NOTCH1: variants seen among roughly 807,000 people sequenced by gnomAD.
The protein encoded by NOTCH1 is notch receptor 1, also known as neurogenic locus notch homolog protein 1.
NOTCH1 carries 37 observed loss-of-function variants against 254.8 expected under a neutral mutation model. That is an observed-to-expected ratio of 0.15 (90% CI 0.11 to 0.19). The LOEUF (loss-of-function observed/expected upper bound fraction) is 0.19. Among genes scored for constraint, NOTCH1 ranks in the 10% least tolerant of loss-of-function variants. NOTCH1 has a pLI of 1.00. For synonymous variants in NOTCH1, 1,731 were observed against 1,618.1 expected (o/e 1.07, Z -1.68); for missense variants, 2,972 against 3,708.6 (o/e 0.80, Z 5.16).
rs561956110 is a variant in NOTCH1, at chr9:136,531,151, A to C, written c.141-7172T>G. ...ATCCCGAGACATCTGTCCGGCACAC[A>C]CCAGCCCAGCAGTGAAGAAACTGAG... is the stretch of plus-strand genomic sequence containing the variant. On this transcript the variant is annotated intron_variant, in intron 2 of 33. Transcript: ENST00000651671. Among the ~76,000 whole-genome samples the C allele has an allele frequency of 1.2e-4, 19 of 152,140 alleles. No individual in the cohort carries two copies. In the South Asian group the frequency reaches 3.9e-3, roughly 32 times the overall value.
intron 31 of NOTCH1, 133 bp downstream of exon 31, chr9:136,500,419 T>G: frequency 9.0e-7 from 1 of 1,107,246 alleles, no homozygotes; most frequent in African/African-American, 1.5e-5. Context: ...AGGTCCCAGG[T>G]GGAGGCACCA....
At chr9:136,521,000 G>A (rs908119814) in intron 4 of NOTCH1, among the ~76,000 whole-genome samples, 10 of 152,152 alleles carry the variant, frequency 6.6e-5, no homozygotes, top group African/African-American at 1.7e-4. Context: ...CAGGCTGTGC[G>A]ACCCCAAATC....
intron 30 of NOTCH1, among the ~76,000 whole-genome samples, chr9:136,501,389 G>A (rs1053655918): frequency 3.3e-5 from 5 of 151,024 alleles, no homozygotes; most frequent in African/African-American, 1.2e-4. Context: ...AGCCGAGATC[G>A]TGCCACTGCA....
Position 136,508,389 on chromosome 9 carries a change from G to C in NOTCH1, c.3172-4C>G, listed in dbSNP as rs751720939. 1.2e-6 allele frequency: 2 copies of C among 1,613,156 alleles called. No homozygotes were observed. The highest frequency in any genetic ancestry group is 1.3e-5 in the African/African-American group (1 of 75,042). ...AGTCACACCAGTGCACAAGGTTCTG[G>C]GGACAGATTGGGGTCAGCTGGGTGC... On this transcript the variant is annotated splice_polypyrimidine_tract_variant and splice_region_variant and intron_variant, in intron 19 of 33. Coordinates refer to ENST00000651671, the MANE Select transcript of NOTCH1 (RefSeq NM_017617.5).
In NOTCH1 at chr9:136,504,660, G is replaced by A. The variant is rs752508890; in HGVS notation, c.5018+13C>T. The A allele has an allele frequency of 4.9e-5, 74 of 1,497,318 alleles. 1 individual carries two copies. In the Middle Eastern group the frequency reaches 1.4e-3, roughly 29 times the overall value. 92.8% of individuals were successfully genotyped at this position (1,497,318 alleles called of 1,614,324 possible). ...GTTGCGGGGATTGACCGTGGGCGCC[G>A]GGTCTCACTCACCCGCGGACGTCCA... On this transcript the variant is annotated intron_variant, in intron 26 of 33. Transcript: ENST00000651671.
chr9:136,500,465 C>A lies in NOTCH1; in HGVS notation c.5934+87G>T, dbSNP rs1352743046. The A allele has an allele frequency of 1.7e-5, 26 of 1,536,834 alleles. No homozygotes were observed. In the South Asian group the frequency reaches 2.6e-4, roughly 15 times the overall value. On this transcript the variant is annotated intron_variant, in intron 31 of 33. Transcript: ENST00000651671. Reference sequence around the variant, plus strand: ...ACTCAGCTGTGCTCGGGGTCAGGCTCCCAGGGCCACGTAAGCCTGGCCACT... The same window carrying A: ...ACTCAGCTGTGCTCGGGGTCAGGCTACCAGGGCCACGTAAGCCTGGCCACT...
chr9:136,514,409 T>G, intron 13 of NOTCH1, 101 bp downstream of exon 13: 1 of 1,331,998 alleles, frequency 7.5e-7, no homozygotes, highest in Non-Finnish European at 1.0e-6. Context: ...CCGAGGCCCG[T>G]TTCTGGCCCA....
At chr9:136,515,865 C>T (rs1843259626) in intron 10 of NOTCH1, 116 bp downstream of exon 10, 7 of 1,147,618 alleles carry the variant, frequency 6.1e-6, no homozygotes, top group Non-Finnish European at 8.8e-6. Context: ...GAGCTGTGCT[C>T]TCGGCCTCTG....
At chr9:136,497,648 C>A in intron 33 of NOTCH1, 90 bp from the exon 34 acceptor site, 1 of 1,165,114 alleles carries the variant, frequency 8.6e-7, no homozygotes, top group South Asian at 1.5e-5. Context: ...AGCAGCAGTA[C>A]AACCTCCTCC....
chr9:136,519,922 T>C (rs116620675), intron 4 of NOTCH1, among the ~76,000 whole-genome samples: 1 of 152,150 alleles, frequency 6.6e-6, no homozygotes, highest in Non-Finnish European at 1.5e-5. Context: ...GCACACCCCA[T>C]CTTCAGGGGC....
Position 136,508,018 on chromosome 9 carries a change from G to A in NOTCH1, c.3447C>T (p.Cys1149=), listed in dbSNP as rs1246185721. ...GSYCEDLVDE[C]SPSPCQNGAT... ...CCCCGTTCTGGCAGGGGCTGGGTGA[G>A]CACTCGTCCACCAGGTCCTCACAGT... Residue 1149 remains cysteine (C), a synonymous_variant, in exon 21 of 34, where the codon TGC becomes TGT. Coordinates refer to ENST00000651671, the MANE Select transcript of NOTCH1 (RefSeq NM_017617.5). 5 of 1,612,478 alleles carry A rather than the reference G, an allele frequency of 3.1e-6. No homozygotes were observed. The highest frequency in any genetic ancestry group is 1.3e-5 in the African/African-American group (1 of 75,060).
chr9:136,518,546 G>A lies in NOTCH1; in HGVS notation c.1099+45C>T, dbSNP rs757964064. The stretch of plus-strand genomic sequence containing the variant: ...GGTGAGGTCACACAGCTCAGGCCTG[G>A]CCCATGTGAGCCCCCTGCGCCCACC... On this transcript the variant is annotated intron_variant, in intron 6 of 33. Coordinates refer to ENST00000651671, the MANE Select transcript of NOTCH1 (RefSeq NM_017617.5). 4 of 1,542,044 alleles carry A rather than the reference G, an allele frequency of 2.6e-6. No individual in the cohort carries two copies. In the Admixed American group the frequency reaches 7.1e-5, roughly 28 times the overall value.
chr9:136,531,287 C>T (rs532745646), intron 2 of NOTCH1, among the ~76,000 whole-genome samples: 18 of 152,358 alleles, frequency 1.2e-4, no homozygotes, highest in Admixed American at 3.9e-4. Context: ...GGTGAGAAAA[C>T]GGGGCAGCTA....
At chr9:136,523,320 C>A in intron 3 of NOTCH1, 132 bp from the exon 4 acceptor site, 1 of 968,338 alleles carries the variant, frequency 1.0e-6, no homozygotes. Context: ...ATCCTCAGGA[C>A]CTGCCGTGAG....
Position 136,495,320 on chromosome 9 carries a change from C to CA in NOTCH1, c.*750dup. On this transcript the variant is annotated 3_prime_UTR_variant, in exon 34 of 34. Coordinates refer to ENST00000651671, the MANE Select transcript of NOTCH1 (RefSeq NM_017617.5). Reference sequence around the variant, plus strand: ...ACCAAGAACTTGTATAACCAACGAACAACTACATAATACTGAACCTGAAAC... The same window carrying CA: ...ACCAAGAACTTGTATAACCAACGAACAAACTACATAATACTGAACCTGAAAC... The CA allele has an allele frequency of 2.5e-6, 1 of 398,894 alleles. No homozygotes were observed. The allele number at this position is 398,894 out of a possible 1,614,324, so 24.7% of individuals were successfully genotyped here.
chr9:136,501,663 T>A (rs1842996884), intron 30 of NOTCH1, 85 bp downstream of exon 30: 1 of 1,524,196 alleles, frequency 6.6e-7, no homozygotes, highest in Non-Finnish European at 9.0e-7. Flanking sequence ...TTCCAGAGTA[T>A]CAACTGTACC....
In NOTCH1 at chr9:136,508,857, C is replaced by G. The variant is rs2133348587; in HGVS notation, c.3171+13G>C. On this transcript the variant is annotated intron_variant, in intron 19 of 33. Coordinates refer to ENST00000651671, the MANE Select transcript of NOTCH1 (RefSeq NM_017617.5). ...GCCCCTCCTTCGGGCACCTCTGTGG[C>G]CGGCGCACTCACCTGGCAGTTGGGG... 1 of 1,539,720 alleles carries G rather than the reference C, an allele frequency of 6.5e-7. No individual in the cohort carries two copies. The highest frequency in any genetic ancestry group is 8.8e-7 in the Non-Finnish European group (1 of 1,140,526).
intron 2 of NOTCH1, among the ~76,000 whole-genome samples, chr9:136,535,555 G>T (rs199976980): frequency 1.3e-5 from 1 of 76,540 alleles, no homozygotes; most frequent in Non-Finnish European, 2.2e-5. Flanking sequence ...CGGGGCAATG[G>T]GTGCATGGTG....
At chr9:136,539,046 C>T (rs1843695197) in intron 2 of NOTCH1, among the ~76,000 whole-genome samples, 1 of 152,224 alleles carries the variant, frequency 6.6e-6, no homozygotes, top group Admixed American at 6.5e-5. Flanking sequence ...TGAAGCCAGT[C>T]CCGGCTCCTG....
Sources: allele counts gnomAD v4.1 joint callset (sites outside exome capture counted in the v4.1 genomes callset), GRCh38; gene constraint gnomAD v4.1.1; transcripts MANE v1.5; gene names NCBI Gene and HGNC (gene_info 2026-07-23, HGNC 2026-07-21).